The following NR2C2 variants were observed in gnomAD, a reference collection of about 807,000 sequenced individuals.
The protein encoded by NR2C2 is Nuclear hormone receptor TR4.
Under a neutral mutation model 62.9 loss-of-function variants are expected in NR2C2, and 6 were observed. The observed-to-expected ratio is 0.10, with a 90% confidence interval of 0.05 to 0.19. The LOEUF is 0.19. Ranked by LOEUF, NR2C2 falls within the 10% of genes least tolerant of loss-of-function variation. The pLI is 1.00. For synonymous variants in NR2C2, 272 were observed against 273.8 expected, an observed-to-expected ratio of 0.99 and a Z score of 0.07; for missense variants, 479 against 762.7, an observed-to-expected ratio of 0.63 and a Z score of 4.38.
At position 15,046,288 on chromosome 3, in the gene NR2C2, T is replaced by G. The variant is rs764048055; in HGVS notation, c.*3280T>G. The G allele has an allele frequency of 6.6e-6, 1 of 152,206 alleles. No individual in the cohort carries two copies. The highest frequency in any genetic ancestry group is 1.5e-5 in the Non-Finnish European group (1 of 68,032). 9.4% of individuals were successfully genotyped at this position (152,206 alleles called of 1,614,324 possible). On this transcript the variant is annotated 3_prime_UTR_variant, in exon 14 of 14. Transcript: ENST00000425241. The stretch of plus-strand genomic sequence containing the variant: ...AGAGGGACTGATTTTTAGCTTGTCA[T>G]TGTCAGTATTGAATGTGGACTCTTC...
chr3:15,012,230 C>CT (rs112840297), intron 2 of NR2C2, among the ~76,000 whole-genome samples: 21,924 of 145,752 alleles, frequency 0.15, 1,858 homozygotes, highest in Middle Eastern at 0.22. Flanking sequence ...AGTTCCATTT[C>CT]TTTTTTTTTT....
intron 1 of NR2C2, chr3:14,948,189 C>T (rs889902124): frequency 6.5e-6 from 1 of 152,720 alleles, no homozygotes; most frequent in Non-Finnish European, 1.5e-5. Context: ...AGTTGGCCCT[C>T]CGCCAGCGCC....
intron 1 of NR2C2, among the ~76,000 whole-genome samples, chr3:14,989,920 A>G (rs1266093321): frequency 1.0e-5 from 1 of 97,290 alleles, no homozygotes; most frequent in Admixed American, 1.1e-4. Flanking sequence ...GCAAGACTCC[A>G]TCTCAAAAAA....
chr3:14,999,260 G>A (rs1361484480), intron 1 of NR2C2, among the ~76,000 whole-genome samples: 1 of 151,930 alleles, frequency 6.6e-6, no homozygotes, highest in African/African-American at 2.4e-5. Context: ...AGGTTGCGAT[G>A]AGCCGAGATC....
chr3:15,009,502 C>T (rs550648855), intron 2 of NR2C2, among the ~76,000 whole-genome samples: 1 of 152,298 alleles, frequency 6.6e-6, no homozygotes, highest in South Asian at 2.1e-4. Context: ...CATGTTCAAA[C>T]AAATTCATCT....
chr3:15,041,618 C>T (rs1313834001), intron 13 of NR2C2, among the ~76,000 whole-genome samples: 6 of 152,192 alleles, frequency 3.9e-5, no homozygotes, highest in Admixed American at 1.3e-4. Context: ...CTTTGGGACA[C>T]TGAGGCAGCA....
intron 1 of NR2C2, among the ~76,000 whole-genome samples, chr3:14,963,480 T>C (rs2039747191): frequency 3.3e-5 from 5 of 152,154 alleles, no homozygotes; most frequent in Non-Finnish European, 7.3e-5. Flanking sequence ...TTTTTATTTT[T>C]TATTTTTTGA....
intron 1 of NR2C2, among the ~76,000 whole-genome samples, chr3:14,985,956 A>G (rs897999581): frequency 7.2e-5 from 11 of 152,088 alleles, no homozygotes; most frequent in African/African-American, 1.9e-4. Context: ...TTTTTTCCCA[A>G]CAGTTTTTTA....
intron 1 of NR2C2, among the ~76,000 whole-genome samples, chr3:14,981,952 G>T (rs1222789673): frequency 1.3e-5 from 2 of 152,178 alleles, no homozygotes; most frequent in East Asian, 3.8e-4. Flanking sequence ...TAACTAGATG[G>T]TGCTTTCTCA....
chr3:15,042,719 G>A, intron 13 of NR2C2, 115 bp from the exon 14 acceptor site: 4 of 846,206 alleles, frequency 4.7e-6, no homozygotes, highest in Non-Finnish European at 7.4e-6. Context: ...TGGGTGGATG[G>A]TGGATCCGTT....
chr3:14,978,198 A>G (rs912306803), intron 1 of NR2C2, among the ~76,000 whole-genome samples: 4 of 152,162 alleles, frequency 2.6e-5, no homozygotes, highest in African/African-American at 9.7e-5. Context: ...CTTCAGTACA[A>G]ATGTTCCTTA....
chr3:14,982,403 A>G (rs1233990639), intron 1 of NR2C2, among the ~76,000 whole-genome samples: 1 of 152,226 alleles, frequency 6.6e-6, no homozygotes, highest in Admixed American at 6.5e-5. Context: ...CTGACTTTTC[A>G]GAGTTGGAAT....
Position 14,970,702 on chromosome 3 carries a change from C to T in NR2C2, c.-40+22796C>T, listed in dbSNP as rs113276740. Among the ~76,000 whole-genome samples the T allele has an allele frequency of 4.6e-3, 702 of 152,278 alleles. 4 individuals are homozygous for T. The highest frequency in any genetic ancestry group is 7.9e-3 in the Non-Finnish European group (540 of 68,020). The stretch of plus-strand genomic sequence containing the variant: ...CTTCCTTTTTAAGACTAATATTCTA[C>T]TTATGTATCACATTTTATCTGTTCA... On this transcript the variant is annotated intron_variant, in intron 1 of 13. Coordinates refer to ENST00000425241, the MANE Select transcript of NR2C2 (RefSeq NM_001291694.2).
At chr3:15,034,049 A>G (rs1231046658) in intron 10 of NR2C2, among the ~76,000 whole-genome samples, 6 of 152,204 alleles carry the variant, frequency 3.9e-5, no homozygotes, top group Non-Finnish European at 4.4e-5. Context: ...GCCTCCTGAA[A>G]TCTTGAGACA....
intron 1 of NR2C2, among the ~76,000 whole-genome samples, chr3:14,971,253 G>A (rs2040029599): frequency 6.6e-6 from 1 of 151,544 alleles, no homozygotes. Context: ...GAGTAGGTGG[G>A]ATTACAGGCA....
chr3:15,007,267 A>G (rs1295153452), intron 2 of NR2C2, among the ~76,000 whole-genome samples: 2 of 151,716 alleles, frequency 1.3e-5, no homozygotes, highest in Admixed American at 1.3e-4. Context: ...AGCTGGGAAT[A>G]CAGGTGCTCG....
At position 15,003,954 on chromosome 3, in the gene NR2C2, G is replaced by T; in HGVS notation, c.40G>T (p.Asp14Tyr). 6.2e-7 allele frequency: 1 copy of T among 1,613,466 alleles called. No individual in the cohort carries two copies. The highest frequency in any genetic ancestry group is 8.5e-7 in the Non-Finnish European group (1 of 1,179,734). ...CCCACGCATCCAGATAATCTCCACCGACTCTGCTGTAGCCTCACCTCAGCG... is the reference window on the plus strand; with the variant it reads ...CCCACGCATCCAGATAATCTCCACCTACTCTGCTGTAGCCTCACCTCAGCG... The part of the protein sequence containing the change: ...PSPRIQIIST[D>Y]SAVASPQRIQ... The change falls in exon 2 of 14, where the codon GAC (aspartate) becomes TAC (tyrosine). Residue 14 changes from aspartate to tyrosine, a missense_variant. Coordinates refer to ENST00000425241, the MANE Select transcript of NR2C2 (RefSeq NM_001291694.2).
At chr3:15,017,922 A>G (rs542250922) in intron 4 of NR2C2, among the ~76,000 whole-genome samples, 3 of 152,366 alleles carry the variant, frequency 2.0e-5, no homozygotes, top group African/African-American at 7.2e-5. Flanking sequence ...GAGCATGTCC[A>G]TGGTCAGTCT....
chr3:14,956,727 G>C (rs1041762928), intron 1 of NR2C2, among the ~76,000 whole-genome samples: 7 of 152,148 alleles, frequency 4.6e-5, no homozygotes, highest in African/African-American at 1.7e-4. Context: ...TTTTAGTAGA[G>C]ATAGGGTTTC....
Sources: gnomAD v4.1 joint callset for allele counts (sites outside exome capture counted in the v4.1 genomes callset) on GRCh38, gnomAD v4.1.1 for gene constraint, MANE v1.5 for transcripts, NCBI Gene and HGNC (gene_info 2026-07-23, HGNC 2026-07-21) for gene names.